NDUFA10: variants seen among roughly 807,000 people sequenced by gnomAD.
The protein encoded by NDUFA10 is NADH:ubiquinone oxidoreductase subunit A10.
Under a neutral mutation model 47.8 loss-of-function variants are expected in NDUFA10, and 40 were observed. The ratio of observed to expected loss-of-function variants is 0.84; its 90% CI spans 0.65 to 1.09. The LOEUF is 1.09. NDUFA10 is among the 50% of genes least tolerant of loss of function. NDUFA10 has a pLI of 0.00. For synonymous variants in NDUFA10, 183 were observed against 172.2 expected, an observed-to-expected ratio of 1.06 and a Z score of -0.49; for missense variants, 413 against 451.1, an observed-to-expected ratio of 0.92 and a Z score of 0.76.
chr2:239,894,220 A>C (rs1186600202), intron 5 of NDUFA10, among the ~76,000 whole-genome samples: 4 of 101,124 alleles, frequency 4.0e-5, no homozygotes, highest in Admixed American at 1.1e-4. Context: ...GCTCCATCCC[A>C]GCCTCACTCC....
chr2:239,907,941 T>G (rs1423066126), intron 4 of NDUFA10, among the ~76,000 whole-genome samples: 2 of 152,184 alleles, frequency 1.3e-5, no homozygotes, highest in African/African-American at 2.4e-5. Context: ...TAAAGACACA[T>G]GCACATGTAT....
chr2:239,897,381 A>G (rs1693417530), intron 4 of NDUFA10, among the ~76,000 whole-genome samples: 1 of 152,090 alleles, frequency 6.6e-6, no homozygotes, highest in South Asian at 2.1e-4. Flanking sequence ...GGGAAAAAAT[A>G]CATTTTTAGA....
At chr2:239,973,404 T>C (rs1695378317) in intron 9 of NDUFA10, 1 of 430,056 alleles carries the variant, frequency 2.3e-6, no homozygotes, top group South Asian at 1.8e-5. Flanking sequence ...AGTATTAACA[T>C]ATTAAAGTTA....
chr2:239,898,971 TGAA>T (rs1237194847), intron 4 of NDUFA10, among the ~76,000 whole-genome samples: 1 of 113,630 alleles, frequency 8.8e-6, no homozygotes, highest in African/African-American at 3.3e-5. Context: ...CAGGGTGTGA[TGAA>T]GAGGTATGAT....
At chr2:239,926,118 C>T (rs1387657449) in intron 4 of NDUFA10, among the ~76,000 whole-genome samples, 2 of 152,212 alleles carry the variant, frequency 1.3e-5, no homozygotes, top group African/African-American at 2.4e-5. Flanking sequence ...ACTTACCCTA[C>T]GATCCAGCAA....
In NDUFA10 at chr2:239,958,720, G is replaced by A. The variant is rs1694729062; in HGVS notation, c.*2398C>T. ...GAAGCTCAATGTTCTTAACAATTTG[G>A]TTTTAACAGTTGATGGAACAGAAAG... On this transcript the variant is annotated 3_prime_UTR_variant, in exon 10 of 10. Transcript: ENST00000252711. 5.9e-6 allele frequency: 1 copy of A among 168,398 alleles called. No individual in the cohort carries two copies. 10.4% of individuals were successfully genotyped at this position (168,398 alleles called of 1,614,324 possible). A position where few individuals can be genotyped will look rare whatever the true frequency, so the allele number is the denominator to read the frequency against.
chr2:240,022,293 C>A lies in NDUFA10; in HGVS notation c.123G>T (p.Trp41Cys). 6.2e-7 allele frequency: 1 copy of A among 1,614,070 alleles called. No homozygotes were observed. The highest frequency in any genetic ancestry group is 1.1e-5 in the South Asian group (1 of 91,076). The part of the protein sequence containing the change: ...SVQCKLRYGM[W>C]HFLLGDKASK... ...TTGCTTTATCCCCAAGTAGGAAATG[C>A]CACATTCCATAGCGCAGTTTGCACT... The change falls in exon 2 of 10, where the codon TGG becomes TGT. Residue 41 changes from tryptophan (W) to cysteine (C), a missense_variant. By Grantham distance (215) the Trp-to-Cys change is radical (BLOSUM62 -2). Transcript: ENST00000252711.
chr2:239,899,582 T>A (rs1393845231), intron 4 of NDUFA10, among the ~76,000 whole-genome samples: 1 of 151,752 alleles, frequency 6.6e-6, no homozygotes, highest in Non-Finnish European at 1.5e-5. Flanking sequence ...TGGAAAATGG[T>A]TGATAGTTAT....
intron 9 of NDUFA10, among the ~76,000 whole-genome samples, chr2:239,968,864 G>A (rs933520862): frequency 3.9e-5 from 6 of 152,152 alleles, no homozygotes; most frequent in African/African-American, 1.4e-4. Context: ...GGGGCCTCTC[G>A]CTGCACGCAT....
chr2:239,893,019 T>C (rs1693322094), intron 5 of NDUFA10, among the ~76,000 whole-genome samples: 1 of 152,034 alleles, frequency 6.6e-6, no homozygotes, highest in South Asian at 2.1e-4. Flanking sequence ...AGAGGCTGCC[T>C]TGGGGAGCCG....
At chr2:239,946,201 G>A (rs988318049) in intron 4 of NDUFA10, among the ~76,000 whole-genome samples, 11 of 152,122 alleles carry the variant, frequency 7.2e-5, no homozygotes, top group East Asian at 1.9e-4. Flanking sequence ...CTGGGGCTCC[G>A]TCACCCTCCT....
chr2:239,981,754 C>T (rs1695784179), intron 9 of NDUFA10, among the ~76,000 whole-genome samples: 1 of 152,168 alleles, frequency 6.6e-6, no homozygotes, highest in African/African-American at 2.4e-5. Flanking sequence ...CACCTATTTA[C>T]AGAAGCACAG....
intron 4 of NDUFA10, among the ~76,000 whole-genome samples, chr2:239,936,406 G>A (rs1694266653): frequency 6.6e-6 from 1 of 152,236 alleles, no homozygotes; most frequent in Non-Finnish European, 1.5e-5. Context: ...GTTAGGGCAG[G>A]AGGCTGCTCT....
At chr2:240,008,807 C>T (rs1250542478) in intron 6 of NDUFA10, among the ~76,000 whole-genome samples, 3 of 152,202 alleles carry the variant, frequency 2.0e-5, no homozygotes, top group Admixed American at 2.0e-4. Context: ...GAGCTCCAGA[C>T]CCCAAACTAC....
At chr2:239,973,772 CT>C (rs1695398364) in intron 9 of NDUFA10, 2 of 364,830 alleles carry the variant, frequency 5.5e-6, no homozygotes. Flanking sequence ...AATCAGCAGC[CT>C]GTCCTGCACA....
chr2:239,895,101 C>T (rs1693367161), intron 5 of NDUFA10: 1 of 263,188 alleles, frequency 3.8e-6, no homozygotes, highest in South Asian at 3.4e-5. Flanking sequence ...AAGAATCTTG[C>T]CTTCACCCTC....
chr2:239,971,882 T>A (rs1382917393), intron 9 of NDUFA10, among the ~76,000 whole-genome samples: 1 of 152,190 alleles, frequency 6.6e-6, no homozygotes, highest in Non-Finnish European at 1.5e-5. Context: ...TCCCTCCAAT[T>A]TTCCATTTAT....
Position 239,959,987 on chromosome 2 carries a change from C to T in NDUFA10, c.*1131G>A, listed in dbSNP as rs1574810688. The T allele has an allele frequency of 2.0e-6, 2 of 985,450 alleles. No homozygotes were observed. The highest frequency in any genetic ancestry group is 2.4e-6 in the Non-Finnish European group (2 of 829,916). 61.0% of individuals were successfully genotyped at this position (985,450 alleles called of 1,614,324 possible). A position where few individuals can be genotyped will look rare whatever the true frequency, so the allele number is the denominator to read the frequency against. On this transcript the variant is annotated 3_prime_UTR_variant, in exon 10 of 10. Coordinates refer to ENST00000252711, the MANE Select transcript of NDUFA10 (RefSeq NM_004544.4). ...CTGCACCAGCACTGGAACTACTGCCCACAGGCGGCTGTGGAGTGCCTGAAC... is the reference window on the plus strand; with the variant it reads ...CTGCACCAGCACTGGAACTACTGCCTACAGGCGGCTGTGGAGTGCCTGAAC...
chr2:239,899,161 C>A (rs1223792571), intron 4 of NDUFA10, among the ~76,000 whole-genome samples: 2 of 1,940 alleles, frequency 1.0e-3, no homozygotes, highest in Non-Finnish European at 1.9e-3. Context: ...GGAGGGGAGT[C>A]ATGGAGGGGT....
Sources: gnomAD v4.1 joint callset for allele counts (sites outside exome capture counted in the v4.1 genomes callset) on GRCh38, gnomAD v4.1.1 for gene constraint, MANE v1.5 for transcripts, NCBI Gene and HGNC (gene_info 2026-07-23, HGNC 2026-07-21) for gene names.